BCL11B: variants seen among roughly 807,000 people sequenced by gnomAD.
BCL11B encodes the protein BCL11 transcription factor B, also known as B-cell lymphoma/leukemia 11B.
A neutral mutation model predicts 49.9 loss-of-function variants in BCL11B; 8 were observed. That is an observed-to-expected ratio of 0.16 (90% CI 0.09 to 0.29). The LOEUF (loss-of-function observed/expected upper bound fraction) is 0.29. Ranked by LOEUF, BCL11B falls within the 10% of genes least tolerant of loss-of-function variation. The pLI is 1.00. For missense variants in BCL11B, 1,006 were observed against 1,351.0 expected (o/e 0.74, Z 4.00); for synonymous variants, 739 against 637.4 (o/e 1.16, Z -2.40).
intron 3 of BCL11B, among the ~76,000 whole-genome samples, chr14:99,229,043 C>CATGGATGGATGGATGGATGGATGG (rs1181779397): frequency 9.5e-6 from 1 of 104,750 alleles, no homozygotes; most frequent in African/African-American, 3.9e-5. Context: ...TGGATGGATG[C>CATGGATGGATGGATGGATGGATGG]ATGGATGGAT....
At chr14:99,225,143 C>G (rs375148118) in intron 3 of BCL11B, among the ~76,000 whole-genome samples, 1 of 152,146 alleles carries the variant, frequency 6.6e-6, no homozygotes, top group Admixed American at 6.5e-5. Context: ...TTCCACTGGG[C>G]GACGAACTTC....
chr14:99,240,671 C>T (rs1233819140), intron 2 of BCL11B, among the ~76,000 whole-genome samples: 2 of 152,334 alleles, frequency 1.3e-5, no homozygotes, highest in African/African-American at 2.4e-5. Flanking sequence ...CTGACAGCCA[C>T]CTTCTTACTT....
At chr14:99,199,692 GCGCGCA>G (rs1417631533) in intron 3 of BCL11B, among the ~76,000 whole-genome samples, 30 of 63,840 alleles carry the variant, frequency 4.7e-4, no homozygotes, top group Non-Finnish European at 7.0e-4. Flanking sequence ...GTGCGCGCGC[GCGCGCA>G]CGTGCACGTG....
chr14:99,175,453 G>T lies in BCL11B; in HGVS notation c.1383C>A (p.Asp461Glu). ...GEKPYKCQLCDHACSQASKLK... is the reference protein window; with the variant it reads ...GEKPYKCQLCEHACSQASKLK... Reference sequence around the variant, plus strand: ...GCTTGCTGGCCTGCGAGCACGCGTGGTCGCACAGCTGGCACTTGTAGGGCT... The same window carrying T: ...GCTTGCTGGCCTGCGAGCACGCGTGTTCGCACAGCTGGCACTTGTAGGGCT... Residue 461 changes from aspartate (D) to glutamate (E), a missense_variant, in exon 4 of 4, where the codon GAC (aspartate) becomes GAA (glutamate). This residue lies in a region of BCL11B where 15 missense variants were observed against 75.3 expected (regional missense o/e 0.20). Transcript: ENST00000357195. 6.2e-7 allele frequency: 1 copy of T among 1,611,580 alleles called. No homozygotes were observed. Among genetic ancestry groups the T allele is most frequent in the Non-Finnish European group, 8.5e-7 (1 of 1,178,820 alleles).
intron 1 of BCL11B, among the ~76,000 whole-genome samples, chr14:99,260,380 A>C (rs1425484866): frequency 6.6e-6 from 1 of 152,050 alleles, no homozygotes; most frequent in African/African-American, 2.4e-5. Context: ...TTTTTAATTT[A>C]ATCTTCGGTT....
At chr14:99,198,615 AT>A (rs1473705658) in intron 3 of BCL11B, among the ~76,000 whole-genome samples, 2 of 152,130 alleles carry the variant, frequency 1.3e-5, no homozygotes, top group African/African-American at 4.8e-5. Flanking sequence ...TGGAAGTAGA[AT>A]TCCTGGATTG....
intron 2 of BCL11B, among the ~76,000 whole-genome samples, chr14:99,254,419 T>A (rs1047227117): frequency 1.3e-5 from 2 of 152,210 alleles, no homozygotes; most frequent in Non-Finnish European, 2.9e-5. Context: ...CCTTCGGGTC[T>A]GCCTCTGGAG....
intron 2 of BCL11B, among the ~76,000 whole-genome samples, chr14:99,238,461 C>G (rs770989852): frequency 6.6e-6 from 1 of 152,196 alleles, no homozygotes; most frequent in African/African-American, 2.4e-5. Context: ...CTTTCTGCAC[C>G]CTGACCCAAG....
chr14:99,271,140 G>T, intron 1 of BCL11B, 21 bp downstream of exon 1: 1 of 1,539,556 alleles, frequency 6.5e-7, no homozygotes, highest in Non-Finnish European at 8.7e-7. Flanking sequence ...GGCCCCTCGC[G>T]CGCACTCCGC....
At chr14:99,260,382 T>C (rs10133235) in intron 1 of BCL11B, among the ~76,000 whole-genome samples, 59,554 of 152,010 alleles carry the variant, frequency 0.39, 12,573 homozygotes, top group East Asian at 0.76. Flanking sequence ...TTTAATTTAA[T>C]CTTCGGTTTA....
chr14:99,174,546 G>C lies in BCL11B; in HGVS notation c.2290C>G (p.Leu764Val). Residue 764 changes from leucine to valine, a missense_variant, in exon 4 of 4, where the codon CTC becomes GTC. Physicochemically the swap from Leu to Val is conservative, Grantham distance 32 (BLOSUM62 1). Around this residue, in one of 6 missense-constraint regions of BCL11B, gnomAD observed 443 missense variants for 499.7 expected, o/e 0.89. Transcript: ENST00000357195. ...CTGGCCGTGCCGCTGCGGCCCGAGA[G>C]GCCGCCGTCCAGCAGGTCCCCGGGC... ...TPPGDLLDGGLSGRSGTASGG... is the reference protein window; with the variant it reads ...TPPGDLLDGGVSGRSGTASGG... 6.6e-7 allele frequency: 1 copy of C among 1,511,522 alleles called. No individual in the cohort carries two copies. Among genetic ancestry groups the C allele is most frequent in the Non-Finnish European group, 8.8e-7 (1 of 1,132,336 alleles). 93.6% of individuals were successfully genotyped at this position (1,511,522 alleles called of 1,614,324 possible).
Position 99,176,703 on chromosome 14 carries a change from A to C in BCL11B, c.641-508T>G, listed in dbSNP as rs541811332. Among the ~76,000 whole-genome samples the C allele has an allele frequency of 3.9e-5, 6 of 152,216 alleles. No individual in the cohort carries two copies. The East Asian group carries it at 9.7e-4, about 25-fold the overall frequency. On this transcript the variant is annotated intron_variant, in intron 3 of 3. Transcript: ENST00000357195. ...CGGTGGGGGCTGTCCTGCGCATTGC[A>C]GGATGTTTAGCAACATCCTCTGCCT...
chr14:99,270,908 C>G (rs1319604408), intron 1 of BCL11B, among the ~76,000 whole-genome samples: 1 of 151,632 alleles, frequency 6.6e-6, no homozygotes, highest in Non-Finnish European at 1.5e-5. Flanking sequence ...CCCTCCCCGG[C>G]CCGGAGCCGG....
At chr14:99,189,782 A>C (rs1886968767) in intron 3 of BCL11B, among the ~76,000 whole-genome samples, 1 of 152,094 alleles carries the variant, frequency 6.6e-6, no homozygotes, top group African/African-American at 2.4e-5. Context: ...AGAGCGGGGG[A>C]TGAGAAGGGC....
In BCL11B at chr14:99,174,520, G is replaced by T; in HGVS notation, c.2316C>A (p.Ser772Arg). ...GGLSGRSGTASGGSTPHLGGP... is the reference protein window; with the variant it reads ...GGLSGRSGTARGGSTPHLGGP... ...CGCCCAGGTGCGGGGTGCTGCCTCC[G>T]CTGGCCGTGCCGCTGCGGCCCGAGA... Residue 772 changes from serine to arginine, a missense_variant, in exon 4 of 4, where the codon AGC becomes AGA. Around this residue, in one of 6 missense-constraint regions of BCL11B, gnomAD observed 443 missense variants for 499.7 expected, o/e 0.89. Transcript: ENST00000357195. 6.5e-7 allele frequency: 1 copy of T among 1,527,556 alleles called. No individual in the cohort carries two copies. Among genetic ancestry groups the T allele is most frequent in the Non-Finnish European group, 8.8e-7 (1 of 1,139,056 alleles). The allele number at this position is 1,527,556 out of a possible 1,614,324, so 94.6% of individuals were successfully genotyped here. A position where few individuals can be genotyped will look rare whatever the true frequency, so the allele number is the denominator to read the frequency against.
chr14:99,220,414 AAGG>A (rs2139864315), intron 3 of BCL11B, among the ~76,000 whole-genome samples: 1 of 152,330 alleles, frequency 6.6e-6, no homozygotes, highest in South Asian at 2.1e-4. Context: ...CTCAAGAAGG[AAGG>A]AGATTGTAAC....
In BCL11B at chr14:99,271,679, CACTT is replaced by C. The variant is rs2139987773; in HGVS notation, c.-465_-462del. On this transcript the variant is annotated 5_prime_UTR_variant, in exon 1 of 4. Transcript: ENST00000357195. ...AACTGGGTTTTGCACCGGCTCCTGA[CACTT>C]TCTTTCAGGGTCTGGTAGGTGGAAA... 6.6e-6 allele frequency among the ~76,000 whole-genome samples: 1 copy of C among 151,910 alleles called. No individual in the cohort carries two copies. Among genetic ancestry groups the C allele is most frequent in the Admixed American group, 6.6e-5 (1 of 15,254 alleles).
At chr14:99,253,287 T>A (rs192465261) in intron 2 of BCL11B, among the ~76,000 whole-genome samples, 2 of 152,154 alleles carry the variant, frequency 1.3e-5, no homozygotes, top group African/African-American at 4.8e-5. Flanking sequence ...GACAGTCACC[T>A]AACAAAAGGC....
At chr14:99,235,504 A>G (rs766900489) in intron 2 of BCL11B, among the ~76,000 whole-genome samples, 18 of 152,240 alleles carry the variant, frequency 1.2e-4, no homozygotes, top group Non-Finnish European at 2.4e-4. Flanking sequence ...AGTAATTAAC[A>G]TGGCTTCATA....
Sources: gnomAD v4.1 joint callset for allele counts (sites outside exome capture counted in the v4.1 genomes callset) on GRCh38, gnomAD v4.1.1 for gene constraint, gnomAD v4.1.1 regional missense constraint, MANE v1.5 for transcripts, NCBI Gene and HGNC (gene_info 2026-07-23, HGNC 2026-07-21) for gene names.